Variants in ELF3 observed in about 807,000 individuals in gnomAD.
ELF3 encodes the protein E74 like ETS transcription factor 3, also known as ETS-related transcription factor Elf-3.
Under a neutral mutation model 43.9 loss-of-function variants are expected in ELF3, and 18 were observed. The observed-to-expected ratio is 0.41, with a 90% confidence interval of 0.28 to 0.61. The LOEUF is 0.61. Among genes scored for constraint, ELF3 ranks in the 20% least tolerant of loss-of-function variants. The pLI, the probability that ELF3 is intolerant of heterozygous loss-of-function variation, is 0.30. For synonymous variants in ELF3, 181 were observed against 190.2 expected, an observed-to-expected ratio of 0.95 and a Z score of 0.40; for missense variants, 373 against 487.7, an observed-to-expected ratio of 0.76 and a Z score of 2.21.
At position 202,013,345 on chromosome 1, in the gene ELF3, C is replaced by G. The variant is rs1406814252; in HGVS notation, c.805+47C>G. 3.8e-6 allele frequency: 6 copies of G among 1,578,132 alleles called. No individual in the cohort carries two copies. Among genetic ancestry groups the G allele is most frequent in the Middle Eastern group, 1.7e-4 (1 of 5,880 alleles). ...GTCCTCCCTGCGCCGGGCTGAGCGG[C>G]TTCCTGGGGCACTGCGGGTTGTTGC... is the stretch of plus-strand genomic sequence containing the variant. On this transcript the variant is annotated intron_variant, in intron 7 of 8. Transcript: ENST00000367284. This position sits in a 1 kb window ranked among gnomAD's most constrained non-coding sequence, Gnocchi z 5.7.
chr1:202,012,840 C>T lies in ELF3; in HGVS notation c.598+81C>T. ...CTGGCTCCCAGCACCATAACTCAGG[C>T]CTTCTGGCAGGAACAGGAACAGGCT... On this transcript the variant is annotated intron_variant, in intron 5 of 8. Transcript: ENST00000367284. The surrounding 1 kb of genome is among the most constrained non-coding windows in gnomAD (Gnocchi z 4.2). 12 of 1,538,686 alleles carry T rather than the reference C, an allele frequency of 7.8e-6. No homozygotes were observed. The East Asian group carries it at 2.7e-4, about 35-fold the overall frequency.
rs1391497244 is a variant in ELF3 at position 202,012,492 on chromosome 1, T to A, written c.478+56T>A. On this transcript the variant is annotated intron_variant, in intron 4 of 8. Transcript: ENST00000367284. The surrounding 1 kb of genome is among the most constrained non-coding windows in gnomAD (Gnocchi z 4.2). ...GCCTGTCTTGTCCCATCCCTGCCCC[T>A]CCACAGAGTGCTAGAGATGACCCCC... 6.2e-7 allele frequency: 1 copy of A among 1,600,292 alleles called. No individual in the cohort carries two copies. Among genetic ancestry groups the A allele is most frequent in the Non-Finnish European group, 8.5e-7 (1 of 1,173,712 alleles).
chr1:202,015,412 C>T lies in ELF3; in HGVS notation c.*89C>T. ...GGACAGGCAGGCCAGATGGCCCCTC[C>T]ACTGGGGAATGCTCCCAGCTGTGCT... On this transcript the variant is annotated 3_prime_UTR_variant, in exon 9 of 9. Coordinates refer to ENST00000367284, the MANE Select transcript of ELF3 (RefSeq NM_004433.5). 1 of 1,250,224 alleles carries T rather than the reference C, an allele frequency of 8.0e-7. No homozygotes were observed. The highest frequency in any genetic ancestry group is 1.5e-5 in the African/African-American group (1 of 67,720). The allele number at this position is 1,250,224 out of a possible 1,614,324, so 77.4% of individuals were successfully genotyped here. A position where few individuals can be genotyped will look rare whatever the true frequency, so the allele number is the denominator to read the frequency against.
chr1:202,012,288 G>C lies in ELF3; in HGVS notation c.386-56G>C. ...GCTCTGGGCCAGCTGCACAGCCAGA[G>C]AGAGCCCTTGAGGGAGGGATTAGGG... On this transcript the variant is annotated intron_variant, in intron 3 of 8. Transcript: ENST00000367284. The surrounding 1 kb of genome is among the most constrained non-coding windows in gnomAD (Gnocchi z 4.2). 2 of 1,609,694 alleles carry C rather than the reference G, an allele frequency of 1.2e-6. No homozygotes were observed. The highest frequency in any genetic ancestry group is 2.2e-5 in the South Asian group (2 of 90,668).
rs1048893991 is a variant in ELF3, at chr1:202,016,387, T to C, written c.*1064T>C. On this transcript the variant is annotated 3_prime_UTR_variant, in exon 9 of 9. Transcript: ENST00000367284. ...GGGTTTGGACCTGATGTTCTCAAGA[T>C]GTCTAGAATTGCATGGCTGGCCTTG... The C allele has an allele frequency of 1.3e-5, 2 of 152,208 alleles. No individual in the cohort carries two copies. The highest frequency in any genetic ancestry group is 2.9e-5 in the Non-Finnish European group (2 of 68,048). 9.4% of individuals were successfully genotyped at this position (152,208 alleles called of 1,614,324 possible). A position where few individuals can be genotyped will look rare whatever the true frequency, so the allele number is the denominator to read the frequency against.
In ELF3 at chr1:202,013,438, G is replaced by C. The variant is rs976787906; in HGVS notation, c.805+140G>C. 17 of 858,778 alleles carry C rather than the reference G, an allele frequency of 2.0e-5. No homozygotes were observed. In the African/African-American group the frequency reaches 2.7e-4, roughly 14 times the overall value. The allele number at this position is 858,778 out of a possible 1,614,324, so 53.2% of individuals were successfully genotyped here. On this transcript the variant is annotated intron_variant, in intron 7 of 8. Transcript: ENST00000367284. The surrounding 1 kb of genome is among the most constrained non-coding windows in gnomAD (Gnocchi z 5.7). The stretch of plus-strand genomic sequence containing the variant: ...TGGTAAGGCTGTGCACAAGCTGGGG[G>C]CTCTATGGTATCGGTCACCACCTAA...
Position 202,016,616 on chromosome 1 carries a change from CT to C in ELF3, c.*1303del, listed in dbSNP as rs112012127. The stretch of plus-strand genomic sequence containing the variant: ...TTTGTTGAAAGTGTAGTCTTTTTCT[CT>C]TTTTTTTTTAATTGCAACTTTTACT... On this transcript the variant is annotated 3_prime_UTR_variant, in exon 9 of 9. Transcript: ENST00000367284. 32 of 147,168 alleles carry C rather than the reference CT, an allele frequency of 2.2e-4. No homozygotes were observed. The highest frequency in any genetic ancestry group is 5.9e-4 in the East Asian group (3 of 5,056). The allele number at this position is 147,168 out of a possible 1,614,324, so 9.1% of individuals were successfully genotyped here. A position where few individuals can be genotyped will look rare whatever the true frequency, so the allele number is the denominator to read the frequency against.
rs765145267 is a variant in ELF3 at position 202,015,209 on chromosome 1, G to A, written c.1002G>A (p.Arg334=). ...TCTGACCATCCTTCTCTTCACCCAG[G>A]TACTACTACAAACGGGAGATCCTGG... ...MTYEKLSRAM[R]YYYKREILER... The change falls in exon 9 of 9, where the codon AGG becomes AGA. Residue 334 remains arginine, a splice_region_variant and synonymous_variant. Transcript: ENST00000367284. The A allele has an allele frequency of 5.6e-6, 9 of 1,613,890 alleles. No homozygotes were observed. Among genetic ancestry groups the A allele is most frequent in the Non-Finnish European group, 6.8e-6 (8 of 1,179,978 alleles).
Position 202,011,257 on chromosome 1 carries a change from G to C in ELF3, c.121G>C (p.Val41Leu). The C allele has an allele frequency of 6.2e-7, 1 of 1,611,182 alleles. No individual in the cohort carries two copies. The highest frequency in any genetic ancestry group is 1.1e-5 in the South Asian group (1 of 90,638). Residue 41 changes from valine to leucine, a missense_variant, in exon 2 of 9, where the codon GTA becomes CTA. Val to Leu is a conservative substitution (Grantham distance 32). Coordinates refer to ENST00000367284, the MANE Select transcript of ELF3 (RefSeq NM_004433.5). ...TGCCACCTTTGGGGCCGATGACTTG[G>C]TACTGACCCTGAGCAACCCCCAGAT... ...PAATFGADDL[V>L]LTLSNPQMSL...
In ELF3 at chr1:202,014,121, C is replaced by A. The variant is rs544124774; in HGVS notation, c.1001+97C>A. On this transcript the variant is annotated intron_variant, in intron 8 of 8. Coordinates refer to ENST00000367284, the MANE Select transcript of ELF3 (RefSeq NM_004433.5). ...TTTCTGGCTGCCACTTGGCTTCTTG[C>A]AACAGGGCTGAGTCCTTAGAGTGAG... 1.1e-3 allele frequency: 1,558 copies of A among 1,403,822 alleles called. 4 individuals carry two copies. Among genetic ancestry groups the A allele is most frequent in the Non-Finnish European group, 1.4e-3 (1,494 of 1,043,144 alleles). The allele number at this position is 1,403,822 out of a possible 1,614,324, so 87.0% of individuals were successfully genotyped here. A position where few individuals can be genotyped will look rare whatever the true frequency, so the allele number is the denominator to read the frequency against.
rs571500785 is a variant in ELF3 at position 202,015,340 on chromosome 1, C to T, written c.*17C>T. 1.9e-5 allele frequency: 31 copies of T among 1,613,090 alleles called. No individual in the cohort carries two copies. Among genetic ancestry groups the T allele is most frequent in the Admixed American group, 1.2e-4 (7 of 59,984 alleles). ...CGGAACTGAGGGTTGGAACTATACC[C>T]GGGACCAAACTCACGGACCACTCGA... is the stretch of plus-strand genomic sequence containing the variant. On this transcript the variant is annotated 3_prime_UTR_variant, in exon 9 of 9. Transcript: ENST00000367284.
Position 202,013,389 on chromosome 1 carries a change from T to C in ELF3, c.805+91T>C, listed in dbSNP as rs538025822. On this transcript the variant is annotated intron_variant, in intron 7 of 8. Transcript: ENST00000367284. The surrounding 1 kb of genome is among the most constrained non-coding windows in gnomAD (Gnocchi z 5.7). ...TTGTTGCAGGTATCCCTTCTCCCGT[T>C]TTCTCTGGCCTCCGCATGGCCTTTG... 3.0e-6 allele frequency: 4 copies of C among 1,333,770 alleles called. No homozygotes were observed. In the Admixed American group the frequency reaches 7.6e-5, roughly 25 times the overall value. 82.6% of individuals were successfully genotyped at this position (1,333,770 alleles called of 1,614,324 possible).
In ELF3 at chr1:202,017,039, G is replaced by A. The variant is rs1684322169; in HGVS notation, c.*1716G>A. 1 of 152,170 alleles carries A rather than the reference G, an allele frequency of 6.6e-6. No individual in the cohort carries two copies. The highest frequency in any genetic ancestry group is 6.5e-5 in the Admixed American group (1 of 15,276). The allele number at this position is 152,170 out of a possible 1,614,324, so 9.4% of individuals were successfully genotyped here. On this transcript the variant is annotated 3_prime_UTR_variant, in exon 9 of 9. Coordinates refer to ENST00000367284, the MANE Select transcript of ELF3 (RefSeq NM_004433.5). The stretch of plus-strand genomic sequence containing the variant: ...GTTACTTAAGAATGCTTTCCAGGTG[G>A]AAAGTTCCTTAAGTTTGAGGCTTCA...
rs1406802847 is a variant in ELF3, at chr1:202,012,817, G to A, written c.598+58G>A. On this transcript the variant is annotated intron_variant, in intron 5 of 8. Coordinates refer to ENST00000367284, the MANE Select transcript of ELF3 (RefSeq NM_004433.5). This position sits in a 1 kb window ranked among gnomAD's most constrained non-coding sequence, Gnocchi z 4.2. The stretch of plus-strand genomic sequence containing the variant: ...CCCCGAAGTGTCCCTTGTTCCCTCT[G>A]GCTCCCAGCACCATAACTCAGGCCT... 18 of 1,536,770 alleles carry A rather than the reference G, an allele frequency of 1.2e-5. No homozygotes were observed. Among genetic ancestry groups the A allele is most frequent in the Non-Finnish European group, 7.9e-6 (9 of 1,142,164 alleles).
At position 202,010,934 on chromosome 1, in the gene ELF3, C is replaced by A. The variant is rs12085833; in HGVS notation, c.-8-195C>A. 8.6e-6 allele frequency: 5 copies of A among 580,368 alleles called. No individual in the cohort carries two copies. Among genetic ancestry groups the A allele is most frequent in the Non-Finnish European group, 1.5e-5 (5 of 336,892 alleles). The allele number at this position is 580,368 out of a possible 1,614,324, so 36.0% of individuals were successfully genotyped here. A position where few individuals can be genotyped will look rare whatever the true frequency, so the allele number is the denominator to read the frequency against. On this transcript the variant is annotated intron_variant, in intron 1 of 8. Coordinates refer to ENST00000367284, the MANE Select transcript of ELF3 (RefSeq NM_004433.5). This position sits in a 1 kb window ranked among gnomAD's most constrained non-coding sequence, Gnocchi z 4.3. ...CAGAGATCTGAGGAGGGAAGCCCAG[C>A]TGGAGGCTCCTGTGGTCCTGCCCTG...
rs1558272880 is a variant in ELF3, at chr1:202,011,175, C to A, written c.39C>A (p.Asn13Lys). 1 of 1,614,158 alleles carries A rather than the reference C, an allele frequency of 6.2e-7. No individual in the cohort carries two copies. Among genetic ancestry groups the A allele is most frequent in the Non-Finnish European group, 8.5e-7 (1 of 1,180,010 alleles). ...GTGAGATTAGCAACATTTTTAGCAA[C>A]TACTTCAGTGCGATGTACAGCTCGG... is the stretch of plus-strand genomic sequence containing the variant. ...ATCEISNIFS[N>K]YFSAMYSSED... Residue 13 changes from asparagine (N) to lysine (K), a missense_variant, in exon 2 of 9, where the codon AAC (asparagine) becomes AAA (lysine). This residue lies in a region of ELF3 where 311 missense variants were observed against 351.2 expected (regional missense o/e 0.89). Coordinates refer to ENST00000367284, the MANE Select transcript of ELF3 (RefSeq NM_004433.5).
chr1:202,013,041 G>A lies in ELF3; in HGVS notation c.688+5G>A. The A allele has an allele frequency of 6.2e-7, 1 of 1,611,496 alleles. No individual in the cohort carries two copies. The highest frequency in any genetic ancestry group is 1.1e-5 in the South Asian group (1 of 90,548). ...ATGGCAAGCTCTTCCCCAGCGGTGA[G>A]TCGAGGGAGGTCCCCAAGAGGGCGT... On this transcript the variant is annotated splice_donor_5th_base_variant and intron_variant, in intron 6 of 8. Transcript: ENST00000367284. This position sits in a 1 kb window ranked among gnomAD's most constrained non-coding sequence, Gnocchi z 5.7.
chr1:202,012,289 A>G lies in ELF3; in HGVS notation c.386-55A>G, dbSNP rs989954635. 5.0e-6 allele frequency: 8 copies of G among 1,609,238 alleles called. No individual in the cohort carries two copies. The highest frequency in any genetic ancestry group is 1.7e-4 in the Middle Eastern group (1 of 5,938). Reference sequence around the variant, plus strand: ...CTCTGGGCCAGCTGCACAGCCAGAGAGAGCCCTTGAGGGAGGGATTAGGGG... The same window carrying G: ...CTCTGGGCCAGCTGCACAGCCAGAGGGAGCCCTTGAGGGAGGGATTAGGGG... On this transcript the variant is annotated intron_variant, in intron 3 of 8. Transcript: ENST00000367284. The surrounding 1 kb of genome is among the most constrained non-coding windows in gnomAD (Gnocchi z 4.2).
At position 202,015,424 on chromosome 1, in the gene ELF3, C is replaced by T. The variant is rs1684291564; in HGVS notation, c.*101C>T. ...CAGATGGCCCCTCCACTGGGGAATG[C>T]TCCCAGCTGTGCTGTGGAGAGAAGC... On this transcript the variant is annotated 3_prime_UTR_variant, in exon 9 of 9. Transcript: ENST00000367284. 6.2e-6 allele frequency: 7 copies of T among 1,123,640 alleles called. No homozygotes were observed. Among genetic ancestry groups the T allele is most frequent in the South Asian group, 4.0e-5 (3 of 74,920 alleles). 69.6% of individuals were successfully genotyped at this position (1,123,640 alleles called of 1,614,324 possible). A position where few individuals can be genotyped will look rare whatever the true frequency, so the allele number is the denominator to read the frequency against.
Sources: gnomAD v4.1 joint callset for allele counts on GRCh38, gnomAD v4.1.1 for gene constraint, gnomAD v4.1.1 regional missense constraint, Gnocchi (gnomAD v3.1) non-coding constraint, MANE v1.5 for transcripts, NCBI Gene and HGNC (gene_info 2026-07-23, HGNC 2026-07-21) for gene names.